SMAD4: variants seen among roughly 807,000 people sequenced by gnomAD.
SMAD4 encodes SMAD family member 4.
In SMAD4, 7 loss-of-function variants were observed where a neutral mutation model predicts 63.2. The observed-to-expected ratio is 0.11, with a 90% confidence interval of 0.06 to 0.21. SMAD4 has a LOEUF of 0.21. Ranked by LOEUF, SMAD4 falls within the 10% of genes least tolerant of loss-of-function variation. The pLI, the probability that SMAD4 is intolerant of heterozygous loss-of-function variation, is 1.00. For synonymous variants in SMAD4, 215 were observed against 235.4 expected (o/e 0.91, Z 0.79); for missense variants, 312 against 693.8 (o/e 0.45, Z 6.18).
chr18:51,051,910 G>A (rs1357532684), intron 4 of SMAD4, among the ~76,000 whole-genome samples: 1 of 151,956 alleles, frequency 6.6e-6, no homozygotes, highest in African/African-American at 2.4e-5. Context: ...GAGTTCAAGC[G>A]ATTCTCCTGC....
chr18:51,038,257 G>T (rs1019029876), intron 1 of SMAD4, among the ~76,000 whole-genome samples: 1 of 150,182 alleles, frequency 6.7e-6, no homozygotes, highest in African/African-American at 2.4e-5. Context: ...ACTGTGGGGG[G>T]GGGGGCAGTA....
At chr18:51,049,225 G>A in intron 3 of SMAD4, 70 bp from the exon 4 acceptor site, 1 of 1,201,274 alleles carries the variant, frequency 8.3e-7, no homozygotes, top group Non-Finnish European at 1.2e-6. Context: ...TACATTCTCT[G>A]TTTTTAAATG....
intron 8 of SMAD4, 107 bp from the exon 9 acceptor site, chr18:51,065,316 T>C: frequency 1.1e-6 from 1 of 884,568 alleles, no homozygotes; most frequent in Non-Finnish European, 1.9e-6. Context: ...CATTTCCATC[T>C]CCCCTCCCTT....
rs1910604021 is a variant in SMAD4, at chr18:51,081,150, C to T, written c.*2683C>T. The T allele has an allele frequency of 9.1e-6, 2 of 220,410 alleles. No homozygotes were observed. Among genetic ancestry groups the T allele is most frequent in the Non-Finnish European group, 1.8e-5 (2 of 110,270 alleles). 13.7% of individuals were successfully genotyped at this position (220,410 alleles called of 1,614,324 possible). ...TTTGATGAATAAGACTAAAGATTCTCACAGGTTTAAAATTTTATGTCTACT... is the reference window on the plus strand; with the variant it reads ...TTTGATGAATAAGACTAAAGATTCTTACAGGTTTAAAATTTTATGTCTACT... On this transcript the variant is annotated 3_prime_UTR_variant, in exon 12 of 12. Coordinates refer to ENST00000342988, the MANE Select transcript of SMAD4 (RefSeq NM_005359.6).
intron 5 of SMAD4, among the ~76,000 whole-genome samples, chr18:51,056,676 G>GATGAAAAGAAGTTGAACTAAA (rs796993480): frequency 1.2e-4 from 18 of 144,682 alleles, no homozygotes; most frequent in African/African-American, 4.5e-4. Flanking sequence ...AAAGTATATT[G>GATGAAAAGAAGTTGAACTAAA]ATGAAAAGAA....
chr18:51,077,932 T>G (rs916675638), intron 11 of SMAD4, among the ~76,000 whole-genome samples: 17 of 152,238 alleles, frequency 1.1e-4, no homozygotes, highest in African/African-American at 4.1e-4. Flanking sequence ...GGACACGCAC[T>G]ACCTCTTAAA....
Position 51,084,697 on chromosome 18 carries a change from G to A in SMAD4, c.*6230G>A. 1 of 232,062 alleles carries A rather than the reference G, an allele frequency of 4.3e-6. No homozygotes were observed. The highest frequency in any genetic ancestry group is 6.1e-5 in the East Asian group (1 of 16,476). The allele number at this position is 232,062 out of a possible 1,614,324, so 14.4% of individuals were successfully genotyped here. A position where few individuals can be genotyped will look rare whatever the true frequency, so the allele number is the denominator to read the frequency against. On this transcript the variant is annotated 3_prime_UTR_variant, in exon 12 of 12. Transcript: ENST00000342988. ...GAGTTCTGTTCAATGCATTGGACATGTGATTTAAGGGAAAAGTGTGAATGC... is the reference window on the plus strand; with the variant it reads ...GAGTTCTGTTCAATGCATTGGACATATGATTTAAGGGAAAAGTGTGAATGC...
intron 1 of SMAD4, among the ~76,000 whole-genome samples, chr18:51,034,396 G>A (rs1424706483): frequency 8.6e-5 from 13 of 151,972 alleles, no homozygotes; most frequent in African/African-American, 2.4e-4. Flanking sequence ...ACAGGCGTGC[G>A]CCACCATGCC....
intron 1 of SMAD4, among the ~76,000 whole-genome samples, chr18:51,043,103 G>A (rs1909437893): frequency 6.6e-6 from 1 of 152,096 alleles, no homozygotes; most frequent in Non-Finnish European, 1.5e-5. Flanking sequence ...GTTATAGTTA[G>A]GGCATTGTTA....
rs1012848556 is a variant in SMAD4, at chr18:51,081,014, T to A, written c.*2547T>A. 1 of 208,976 alleles carries A rather than the reference T, an allele frequency of 4.8e-6. No individual in the cohort carries two copies. The highest frequency in any genetic ancestry group is 9.7e-6 in the Non-Finnish European group (1 of 102,758). The allele number at this position is 208,976 out of a possible 1,614,324, so 12.9% of individuals were successfully genotyped here. On this transcript the variant is annotated 3_prime_UTR_variant, in exon 12 of 12. Transcript: ENST00000342988. ...CTTCTAGTTGTTAAGTGCTTATATT[T>A]GTACCTAGATTTAGTCACACGCTTT...
Position 51,054,830 on chromosome 18 carries a change from A to G in SMAD4, c.504A>G (p.Gly168=), listed in dbSNP as rs2144418182. ...ATGAATATGTGCATGACTTTGAGGG[A>G]CAGCCATCGTTGTCCACTGAAGGAC... ...VKDEYVHDFE[G]QPSLSTEGHS... is the part of the protein sequence containing the mutation. The change falls in exon 5 of 12, where the codon GGA becomes GGG. Residue 168 remains glycine (G), a synonymous_variant. Coordinates refer to ENST00000342988, the MANE Select transcript of SMAD4 (RefSeq NM_005359.6). 6.2e-7 allele frequency: 1 copy of G among 1,614,016 alleles called. No individual in the cohort carries two copies. The highest frequency in any genetic ancestry group is 8.5e-7 in the Non-Finnish European group (1 of 1,179,880).
At chr18:51,039,224 G>A (rs2144384912) in intron 1 of SMAD4, among the ~76,000 whole-genome samples, 1 of 152,276 alleles carries the variant, frequency 6.6e-6, no homozygotes, top group South Asian at 2.1e-4. Flanking sequence ...TGTTTTTATG[G>A]TTTGTACTAT....
At chr18:51,033,823 G>A (rs1306140633) in intron 1 of SMAD4, among the ~76,000 whole-genome samples, 2 of 152,098 alleles carry the variant, frequency 1.3e-5, no homozygotes, top group South Asian at 2.1e-4. Flanking sequence ...ATTGGCATCC[G>A]GGAACATTTG....
At chr18:51,049,584 C>A (rs1909647151) in intron 4 of SMAD4, 23 of 422,738 alleles carry the variant, frequency 5.4e-5, no homozygotes, top group South Asian at 2.2e-4. Context: ...GAGGAATGCA[C>A]CAAAAACAAA....
rs765051479 is a variant in SMAD4, at chr18:51,065,568, C to G, written c.1101C>G (p.Leu367=). Residue 367 remains leucine, a synonymous_variant, in exon 9 of 12, where the codon CTC becomes CTG. Coordinates refer to ENST00000342988, the MANE Select transcript of SMAD4 (RefSeq NM_005359.6). ...SGGDRFCLGQ[L]SNVHRTEAIE... Reference sequence around the variant, plus strand: ...GAGATCGCTTTTGTTTGGGTCAACTCTCCAATGTCCACAGGACAGAAGCCA... The same window carrying G: ...GAGATCGCTTTTGTTTGGGTCAACTGTCCAATGTCCACAGGACAGAAGCCA... 1 of 1,614,194 alleles carries G rather than the reference C, an allele frequency of 6.2e-7. No homozygotes were observed. The highest frequency in any genetic ancestry group is 1.1e-5 in the South Asian group (1 of 91,082).
intron 4 of SMAD4, chr18:51,053,685 C>T (rs1909768425): frequency 6.6e-6 from 1 of 151,880 alleles, no homozygotes; most frequent in Non-Finnish European, 1.5e-5. Flanking sequence ...TAAAAAGTAC[C>T]CATGTAACTT....
chr18:51,036,582 A>C (rs1390712255), intron 1 of SMAD4, among the ~76,000 whole-genome samples: 1 of 152,220 alleles, frequency 6.6e-6, no homozygotes, highest in Non-Finnish European at 1.5e-5. Context: ...GAAATAATGA[A>C]GGGGCTGGCT....
At chr18:51,054,019 C>A (rs892324039) in intron 4 of SMAD4, 1 of 152,196 alleles carries the variant, frequency 6.6e-6, no homozygotes, top group Non-Finnish European at 1.5e-5. Context: ...TACAGCAGAG[C>A]TAACTATTTC....
intron 10 of SMAD4, among the ~76,000 whole-genome samples, chr18:51,075,022 T>C (rs1910436587): frequency 6.6e-6 from 1 of 152,228 alleles, no homozygotes; most frequent in South Asian, 2.1e-4. Context: ...TTGCTTTCTT[T>C]ACTAAAGTAT....
Sources: gnomAD v4.1 joint callset for allele counts (sites outside exome capture counted in the v4.1 genomes callset) on GRCh38, gnomAD v4.1.1 for gene constraint, MANE v1.5 for transcripts, NCBI Gene and HGNC (gene_info 2026-07-23, HGNC 2026-07-21) for gene names.